Variants in USH2A observed in about 807,000 individuals in gnomAD.
The protein encoded by USH2A is usherin.
In USH2A, 443 loss-of-function variants were observed where a neutral mutation model predicts 538.9. The observed-to-expected ratio is 0.82, with a 90% CI of 0.76 to 0.89. The LOEUF (loss-of-function observed/expected upper bound fraction) is 0.89. Ranked by LOEUF, USH2A falls within the 40% of genes least tolerant of loss-of-function variation. The pLI, the probability that USH2A is intolerant of heterozygous loss-of-function variation, is 0.00. For synonymous variants in USH2A, 2,413 were observed against 2,273.5 expected (o/e 1.06, Z -1.75); for missense variants, 6,633 against 6,324.8 (o/e 1.05, Z -1.65).
chr1:216,405,368 T>C (rs1476895384), intron 3 of USH2A, among the ~76,000 whole-genome samples: 1 of 151,728 alleles, frequency 6.6e-6, no homozygotes, highest in Non-Finnish European at 1.5e-5. Context: ...AATTAGAAAA[T>C]GGGCAGAAGA....
intron 65 of USH2A, among the ~76,000 whole-genome samples, chr1:215,650,167 T>C (rs1407817734): frequency 6.6e-6 from 1 of 152,222 alleles, no homozygotes; most frequent in East Asian, 1.9e-4. Context: ...CATGTCAAAA[T>C]AGAGATTCCA....
chr1:215,684,908 G>A (rs1248927953), intron 61 of USH2A, among the ~76,000 whole-genome samples: 1 of 150,766 alleles, frequency 6.6e-6, no homozygotes, highest in Non-Finnish European at 1.5e-5. Flanking sequence ...TTTGTGCAAA[G>A]AGAACTTCAG....
chr1:215,848,433 A>G (rs1487936763), intron 44 of USH2A, among the ~76,000 whole-genome samples: 2 of 152,202 alleles, frequency 1.3e-5, no homozygotes, highest in Non-Finnish European at 2.9e-5. Flanking sequence ...GTTCCAATTA[A>G]TATACCTATG....
chr1:215,714,584 C>G (rs893280658), intron 61 of USH2A, among the ~76,000 whole-genome samples: 1 of 152,000 alleles, frequency 6.6e-6, no homozygotes, highest in African/African-American at 2.4e-5. Flanking sequence ...GTTTAAAGGG[C>G]AATTTATATC....
At chr1:216,255,138 G>T (rs751405877) in intron 11 of USH2A, among the ~76,000 whole-genome samples, 1 of 152,160 alleles carries the variant, frequency 6.6e-6, no homozygotes, top group South Asian at 2.1e-4. Context: ...GGCTTAAAAT[G>T]CAATCTTGGT....
intron 35 of USH2A, among the ~76,000 whole-genome samples, chr1:215,979,190 C>T (rs534130399): frequency 6.6e-6 from 1 of 152,224 alleles, no homozygotes; most frequent in East Asian, 1.9e-4. Context: ...TCTCATGAGA[C>T]TTATTCACTA....
chr1:216,308,707 A>G (rs2102633824), intron 9 of USH2A, among the ~76,000 whole-genome samples: 1 of 152,326 alleles, frequency 6.6e-6, no homozygotes, highest in Non-Finnish European at 1.5e-5. Flanking sequence ...TTCTGGTTCT[A>G]TAAAATTCTG....
intron 51 of USH2A, among the ~76,000 whole-genome samples, chr1:215,788,649 T>C (rs1020477321): frequency 6.6e-6 from 1 of 152,084 alleles, no homozygotes; most frequent in Non-Finnish European, 1.5e-5. Context: ...AAAGAGAACA[T>C]CTTCAAGAGC....
Position 215,623,433 on chromosome 1 carries a change from A to G in USH2A, c.*2348T>C, listed in dbSNP as rs565003122. The G allele has an allele frequency of 5.3e-5, 8 of 151,346 alleles. No homozygotes were observed. The highest frequency in any genetic ancestry group is 1.2e-4 in the Non-Finnish European group (8 of 67,614). The allele number at this position is 151,346 out of a possible 1,614,324, so 9.4% of individuals were successfully genotyped here. On this transcript the variant is annotated 3_prime_UTR_variant, in exon 72 of 72. Coordinates refer to ENST00000307340, the MANE Select transcript of USH2A (RefSeq NM_206933.4). ...AGAACACCTGGAAGCTTTAAAAAGTACTGATGCCTCAGCCACACACCCCAG... is the reference window on the plus strand; with the variant it reads ...AGAACACCTGGAAGCTTTAAAAAGTGCTGATGCCTCAGCCACACACCCCAG...
intron 5 of USH2A, 135 bp downstream of exon 5, chr1:216,327,456 G>A: frequency 9.9e-7 from 1 of 1,012,868 alleles, no homozygotes; most frequent in South Asian, 1.4e-5. Context: ...AGCAAACACT[G>A]TAAACATTAA....
At chr1:215,684,826 G>A (rs779484812) in intron 61 of USH2A, among the ~76,000 whole-genome samples, 8 of 151,990 alleles carry the variant, frequency 5.3e-5, no homozygotes, top group African/African-American at 1.2e-4. Flanking sequence ...ACCAAGTCAC[G>A]GGGTTCCCTT....
chr1:215,852,912 C>G (rs942590293), intron 44 of USH2A, among the ~76,000 whole-genome samples: 1 of 152,170 alleles, frequency 6.6e-6, no homozygotes, highest in African/African-American at 2.4e-5. Flanking sequence ...GCTGCTTTCA[C>G]AGGTTGGCAT....
At chr1:215,755,002 C>A (rs1660747050) in intron 58 of USH2A, among the ~76,000 whole-genome samples, 6 of 152,118 alleles carry the variant, frequency 3.9e-5, no homozygotes. Flanking sequence ...ACAATTAACT[C>A]TTCTAGTCTT....
intron 3 of USH2A, among the ~76,000 whole-genome samples, chr1:216,376,614 C>G (rs1287761738): frequency 6.6e-6 from 1 of 152,078 alleles, no homozygotes; most frequent in African/African-American, 2.4e-5. Context: ...AGTTACATAT[C>G]ATTAGGTCAG....
chr1:215,767,219 A>G (rs965850538), intron 55 of USH2A, among the ~76,000 whole-genome samples: 1 of 152,188 alleles, frequency 6.6e-6, no homozygotes, highest in South Asian at 2.1e-4. Flanking sequence ...CCCTGGGGAC[A>G]TATAGAACAA....
rs1442818168 is a variant in USH2A at position 215,625,135 on chromosome 1, T to G, written c.*646A>C. On this transcript the variant is annotated 3_prime_UTR_variant, in exon 72 of 72. Coordinates refer to ENST00000307340, the MANE Select transcript of USH2A (RefSeq NM_206933.4). ...AAATGCAAGAACAGAGACATTTATG[T>G]GTAAGTTATGTGTTGCCTTGTCAAA... 1 of 152,710 alleles carries G rather than the reference T, an allele frequency of 6.5e-6. No homozygotes were observed. Among genetic ancestry groups the G allele is most frequent in the Non-Finnish European group, 1.5e-5 (1 of 68,404 alleles). The allele number at this position is 152,710 out of a possible 1,614,324, so 9.5% of individuals were successfully genotyped here. A position where few individuals can be genotyped will look rare whatever the true frequency, so the allele number is the denominator to read the frequency against.
intron 4 of USH2A, among the ~76,000 whole-genome samples, chr1:216,345,370 C>G (rs780955953): frequency 6.6e-6 from 1 of 151,902 alleles, no homozygotes; most frequent in Non-Finnish European, 1.5e-5. Flanking sequence ...CTGGCCAGGA[C>G]AGAAAAAAAG....
rs368457025 is a variant in USH2A at position 215,781,670 on chromosome 1, A to G, written c.10740+372T>C. Among the ~76,000 whole-genome samples, 230 of 152,198 alleles carry G rather than the reference A, an allele frequency of 1.5e-3. 1 individual carries two copies. The highest frequency in any genetic ancestry group is 5.4e-3 in the African/African-American group (224 of 41,534). ...TCTCTTCATTTTTTAAAATCAGACA[A>G]TTTTTGTTCATATCATATTTAAATA... On this transcript the variant is annotated intron_variant, in intron 54 of 71. Coordinates refer to ENST00000307340, the MANE Select transcript of USH2A (RefSeq NM_206933.4).
At chr1:216,255,748 G>C (rs1448749538) in intron 11 of USH2A, among the ~76,000 whole-genome samples, 1 of 152,096 alleles carries the variant, frequency 6.6e-6, no homozygotes, top group Non-Finnish European at 1.5e-5. Flanking sequence ...GGGTCAAGTT[G>C]GTTGACAGTG....
Sources: gnomAD v4.1 joint callset for allele counts (sites outside exome capture counted in the v4.1 genomes callset) on GRCh38, gnomAD v4.1.1 for gene constraint, MANE v1.5 for transcripts, NCBI Gene and HGNC (gene_info 2026-07-23, HGNC 2026-07-21) for gene names.